MIS18A: variants seen among roughly 807,000 people sequenced by gnomAD.
MIS18A encodes the protein MIS18 kinetochore protein A.
MIS18A carries 14 observed loss-of-function variants against 25.0 expected under a neutral mutation model. The ratio of observed to expected loss-of-function variants is 0.56; its 90% CI spans 0.37 to 0.88. The LOEUF is 0.88. MIS18A is among the 40% of genes least tolerant of loss of function. The pLI is 0.00. For missense variants in MIS18A, 292 were observed against 290.8 expected (o/e 1.00, Z -0.03); for synonymous variants, 134 against 118.6 (o/e 1.13, Z -0.84).
chr21:32,208,818 C>A, the MIS18A span, among the ~76,000 whole-genome samples: 1 of 152,140 alleles, frequency 6.6e-6, no homozygotes, highest in African/African-American at 2.4e-5. Flanking sequence ...TAGCAGGTGG[C>A]ACATAAATGA....
At chr21:32,236,394 A>C in the MIS18A span, among the ~76,000 whole-genome samples, 17 of 152,246 alleles carry the variant, frequency 1.1e-4, no homozygotes, top group East Asian at 9.6e-4. Context: ...ACAACAACAA[A>C]AAAAAGAGTG....
At chr21:32,157,241 G>GTTTTTTTTT in the MIS18A span, among the ~76,000 whole-genome samples, 1 of 104,984 alleles carries the variant, frequency 9.5e-6, no homozygotes, top group African/African-American at 4.0e-5. Flanking sequence ...TTTTTTTTTT[G>GTTTTTTTTT]GTAGTTTTAG....
At chr21:32,231,215 G>A in the MIS18A span, among the ~76,000 whole-genome samples, 8,516 of 140,308 alleles carry the variant, frequency 0.061, 321 homozygotes, top group Middle Eastern at 0.15. Context: ...CAGCCTAGGC[G>A]ACACAGCGAG....
chr21:32,278,925 C>T lies in MIS18A; in HGVS notation c.90G>A (p.Leu30=). ...GDKGKCSDSS[L]LGKRLSEDSS... is the part of the protein sequence containing the mutation. ...AGTCTTCGGAGAGTCTCTTGCCCAACAGCGAGGAGTCGCTGCATTTGCCCT... is the reference window on the plus strand; with the variant it reads ...AGTCTTCGGAGAGTCTCTTGCCCAATAGCGAGGAGTCGCTGCATTTGCCCT... Residue 30 remains leucine, a synonymous_variant, in exon 1 of 5, where the codon CTG becomes CTA. Coordinates refer to ENST00000290130, the MANE Select transcript of MIS18A (RefSeq NM_018944.3). The T allele has an allele frequency of 1.2e-6, 2 of 1,613,624 alleles. No individual in the cohort carries two copies. Among genetic ancestry groups the T allele is most frequent in the Non-Finnish European group, 1.7e-6 (2 of 1,180,024 alleles).
At chr21:32,214,562 T>A in the MIS18A span, among the ~76,000 whole-genome samples, 1 of 152,236 alleles carries the variant, frequency 6.6e-6, no homozygotes, top group Non-Finnish European at 1.5e-5. Context: ...TAGTAAGTAG[T>A]AGCCTATATG....
intron 1 of MIS18A, among the ~76,000 whole-genome samples, chr21:32,276,288 G>A (rs1049177720): frequency 5.3e-5 from 8 of 151,744 alleles, no homozygotes; most frequent in Admixed American, 3.3e-4. Context: ...GTGAAACCCC[G>A]TCTCTACTAA....
the MIS18A span, among the ~76,000 whole-genome samples, chr21:32,228,853 T>A: frequency 1.3e-5 from 2 of 152,080 alleles, no homozygotes; most frequent in African/African-American, 4.8e-5. Flanking sequence ...TGAAAGAAAT[T>A]AAGGAAGGCT....
chr21:32,277,477 G>A (rs1027218317), intron 1 of MIS18A, among the ~76,000 whole-genome samples: 1 of 151,824 alleles, frequency 6.6e-6, no homozygotes, highest in Non-Finnish European at 1.5e-5. Context: ...TTTTTGAGAC[G>A]TTGTCTCGCT....
the MIS18A span, among the ~76,000 whole-genome samples, chr21:32,259,631 C>T: frequency 1.3e-5 from 2 of 152,150 alleles, no homozygotes; most frequent in Admixed American, 1.3e-4. Context: ...AATGCCATTG[C>T]CTCCAAGTCT....
At chr21:32,188,889 G>C in the MIS18A span, among the ~76,000 whole-genome samples, 1 of 152,214 alleles carries the variant, frequency 6.6e-6, no homozygotes, top group Non-Finnish European at 1.5e-5. Flanking sequence ...GAGACCCATG[G>C]AGAATTGTCT....
chr21:32,239,015 T>G, the MIS18A span, among the ~76,000 whole-genome samples: 2 of 152,224 alleles, frequency 1.3e-5, no homozygotes, highest in South Asian at 4.1e-4. Context: ...AACATTGTCT[T>G]TAGAATTTCA....
the MIS18A span, among the ~76,000 whole-genome samples, chr21:32,173,439 C>T: frequency 6.6e-6 from 1 of 152,148 alleles, no homozygotes; most frequent in African/African-American, 2.4e-5. Context: ...AGTTTCACTC[C>T]TACAAATATA....
the MIS18A span, among the ~76,000 whole-genome samples, chr21:32,228,434 C>G: frequency 6.6e-6 from 1 of 152,138 alleles, no homozygotes; most frequent in South Asian, 2.1e-4. Context: ...TGCCTATGAT[C>G]AGGAATAAGG....
chr21:32,254,088 G>C, the MIS18A span, among the ~76,000 whole-genome samples: 1 of 152,030 alleles, frequency 6.6e-6, no homozygotes, highest in Non-Finnish European at 1.5e-5. Flanking sequence ...TACAATAGCC[G>C]AGTGTGGTGG....
chr21:32,242,970 C>G, the MIS18A span, among the ~76,000 whole-genome samples: 1 of 152,162 alleles, frequency 6.6e-6, no homozygotes, highest in African/African-American at 2.4e-5. Flanking sequence ...ACAGACAGAA[C>G]CAACTGATTC....
the MIS18A span, among the ~76,000 whole-genome samples, chr21:32,165,286 C>T: frequency 0.092 from 14,017 of 151,912 alleles, 900 homozygotes; most frequent in African/African-American, 0.18. Context: ...ATGGCGCCAC[C>T]GCACTCCAAC....
the MIS18A span, among the ~76,000 whole-genome samples, chr21:32,240,449 G>A: frequency 6.6e-6 from 1 of 152,164 alleles, no homozygotes. Flanking sequence ...GGACTTCCCA[G>A]CCTCCAGAAC....
downstream of MIS18A, among the ~76,000 whole-genome samples, chr21:32,264,026 TTAAA>T (rs2031552977): frequency 6.6e-6 from 1 of 152,168 alleles, no homozygotes; most frequent in African/African-American, 2.4e-5. Context: ...AACTCAGTTG[TTAAA>T]TAAACCACTA....
the MIS18A span, among the ~76,000 whole-genome samples, chr21:32,248,838 C>T: frequency 2.6e-5 from 4 of 152,200 alleles, no homozygotes; most frequent in Admixed American, 1.3e-4. Context: ...TTCCCTCCCC[C>T]TTTTGTCTTG....
Sources: allele counts gnomAD v4.1 joint callset (sites outside exome capture counted in the v4.1 genomes callset), GRCh38; gene constraint gnomAD v4.1.1; transcripts MANE v1.5; gene names NCBI Gene and HGNC (gene_info 2026-07-23, HGNC 2026-07-21).